The following PSG8 variants were observed in gnomAD, a reference collection of about 807,000 sequenced individuals.
PSG8 encodes pregnancy-specific beta-1-glycoprotein 8.
A neutral mutation model predicts 42.5 loss-of-function variants in PSG8; 57 were observed. The ratio of observed to expected loss-of-function variants is 1.34; its 90% CI spans 1.08 to 1.67. The LOEUF (loss-of-function observed/expected upper bound fraction) is 1.67, where lower values mean the gene tolerates loss of function less well. Ranked by LOEUF, PSG8 falls within the 40% of genes most tolerant of loss-of-function variation. The probability of loss-of-function intolerance (pLI) is 0.00; values close to 1 mark genes in which losing one functional copy is unlikely to be tolerated. For synonymous variants in PSG8, 280 were observed against 196.8 expected (o/e 1.42, Z -3.54); for missense variants, 783 against 518.6 (o/e 1.51, Z -4.95).
intron 2 of PSG8, chr19:42,763,697 C>T (rs1970134169): frequency 1.1e-6 from 1 of 887,430 alleles, no homozygotes; most frequent in Non-Finnish European, 1.7e-6. Context: ...ACTGTCCTTC[C>T]TCTGCAGCGA....
chr19:42,761,801 A>G (rs1251866696), intron 2 of PSG8, among the ~76,000 whole-genome samples: 34 of 149,452 alleles, frequency 2.3e-4, no homozygotes, highest in African/African-American at 7.8e-4. Context: ...TTTCTTGACT[A>G]GAAACCAACA....
chr19:42,758,880 G>C (rs1970002203), intron 2 of PSG8: 1 of 159,258 alleles, frequency 6.3e-6, no homozygotes, highest in Non-Finnish European at 1.4e-5. Flanking sequence ...TTTCCCAGGT[G>C]TCTCATAGTG....
intron 2 of PSG8, among the ~76,000 whole-genome samples, chr19:42,763,383 C>G (rs887000950): frequency 2.0e-5 from 3 of 152,144 alleles, no homozygotes; most frequent in African/African-American, 4.8e-5. Context: ...TGAGCCCTGG[C>G]TGGTGAACAG....
chr19:42,762,113 C>G (rs1220614248), intron 2 of PSG8, among the ~76,000 whole-genome samples: 1 of 151,100 alleles, frequency 6.6e-6, no homozygotes, highest in African/African-American at 2.5e-5. Flanking sequence ...GGGAAGGGAA[C>G]AGAACAGCCA....
At position 42,754,249 on chromosome 19, in the gene PSG8, T is replaced by C. The variant is rs371564796; in HGVS notation, c.*46A>G. Reference sequence around the variant, plus strand: ...GTGCCCATGGGACGCAGGCTGGGAATAAAAATGTTTTCCTGACTCTTCCCT... The same window carrying C: ...GTGCCCATGGGACGCAGGCTGGGAACAAAAATGTTTTCCTGACTCTTCCCT... On this transcript the variant is annotated 3_prime_UTR_variant, in exon 5 of 5. Transcript: ENST00000306511. The C allele has an allele frequency of 3.7e-6, 6 of 1,601,318 alleles. No homozygotes were observed. Among genetic ancestry groups the C allele is most frequent in the Non-Finnish European group, 5.1e-6 (6 of 1,173,910 alleles).
At position 42,765,543 on chromosome 19, in the gene PSG8, G is replaced by T. The variant is rs1470392320; in HGVS notation, c.39C>A (p.Ile13=). Residue 13 remains isoleucine, a synonymous_variant, in exon 1 of 5, where the codon ATC becomes ATA. Coordinates refer to ENST00000306511, the MANE Select transcript of PSG8 (RefSeq NM_182707.3). ...LLSAPPCTQR[I]TWKGLLLTAS... is the part of the protein sequence containing the mutation. ...CTGTGAGCAGGAGCCCCTTCCAGGTGATGCGCTGTGTGCAGGGAGGGGCTG... is the reference window on the plus strand; with the variant it reads ...CTGTGAGCAGGAGCCCCTTCCAGGTTATGCGCTGTGTGCAGGGAGGGGCTG... 2 of 1,611,420 alleles carry T rather than the reference G, an allele frequency of 1.2e-6. No homozygotes were observed. The highest frequency in any genetic ancestry group is 1.7e-6 in the Non-Finnish European group (2 of 1,178,262).
intron 3 of PSG8, 150 bp downstream of exon 3, chr19:42,757,852 G>T (rs762416828): frequency 9.6e-6 from 15 of 1,555,392 alleles, no homozygotes; most frequent in Admixed American, 3.4e-5. Context: ...GGCCTACTCT[G>T]GTTTGCCTGG....
chr19:42,760,448 T>C (rs1457321211), intron 2 of PSG8, among the ~76,000 whole-genome samples: 1 of 152,172 alleles, frequency 6.6e-6, no homozygotes, highest in African/African-American at 2.4e-5. Flanking sequence ...GTTGTTCCAC[T>C]TTTTTACCCC....
downstream of PSG8, chr19:42,754,227 C>T (rs1039285417): frequency 7.4e-5 from 118 of 1,584,566 alleles, no homozygotes; most frequent in African/African-American, 1.4e-3. Flanking sequence ...TTTGCTTGTG[C>T]CCATGGGACG....
chr19:42,760,247 C>A (rs1970039070), intron 2 of PSG8, among the ~76,000 whole-genome samples: 1 of 152,120 alleles, frequency 6.6e-6, no homozygotes. Context: ...ATGGCATCAA[C>A]ATGAGGAAAC....
chr19:42,753,179 C>T (rs546462782), downstream of PSG8: 120 of 739,660 alleles, frequency 1.6e-4, 2 homozygotes, highest in Middle Eastern at 7.0e-4. Flanking sequence ...GTTTGAGCAT[C>T]TGTTGTTATG....
rs746461659 is a variant in PSG8 at position 42,765,590 on chromosome 19, C to T, written c.-9G>A. The T allele has an allele frequency of 1.2e-6, 2 of 1,610,150 alleles. No homozygotes were observed. Among genetic ancestry groups the T allele is most frequent in the South Asian group, 1.1e-5 (1 of 91,030 alleles). ...GCTGAGAGGAGCCCCATGGTCTCTG[C>T]TGTCTGTGTGTTCTCCTCTGTGGAG... On this transcript the variant is annotated 5_prime_UTR_variant, in exon 1 of 5. Coordinates refer to ENST00000306511, the MANE Select transcript of PSG8 (RefSeq NM_182707.3).
At chr19:42,756,641 C>G (rs1051478989) in intron 3 of PSG8, among the ~76,000 whole-genome samples, 2 of 152,036 alleles carry the variant, frequency 1.3e-5, no homozygotes, top group Non-Finnish European at 2.9e-5. Flanking sequence ...TCTCTCACCA[C>G]TTTTCTAGCT....
intron 2 of PSG8, among the ~76,000 whole-genome samples, chr19:42,759,806 G>C (rs1240539936): frequency 6.6e-6 from 1 of 152,156 alleles, no homozygotes; most frequent in Non-Finnish European, 1.5e-5. Flanking sequence ...AAGATCAATT[G>C]CTGGTAGTAG....
rs572099259 is a variant in PSG8, at chr19:42,755,098, C to G, written c.878G>C (p.Arg293Thr). 16 of 1,612,108 alleles carry G rather than the reference C, an allele frequency of 9.9e-6. No homozygotes were observed. The South Asian group carries it at 1.2e-4, about 12-fold the overall frequency. ...CGTGACACTGGGTAGAATGAGGATC[C>G]TGTTTTCAATGGGTCGCTTTACCCT... ...SPRVKRPIEN[R>T]ILILPSVTRN... The change falls in exon 4 of 5, where the codon AGG becomes ACG. Residue 293 changes from arginine (R) to threonine (T), a missense_variant. Arg to Thr is a moderately conservative substitution (Grantham distance 71). Coordinates refer to ENST00000306511, the MANE Select transcript of PSG8 (RefSeq NM_182707.3).
chr19:42,763,252 G>A (rs1008027577), intron 2 of PSG8, among the ~76,000 whole-genome samples: 10 of 152,114 alleles, frequency 6.6e-5, no homozygotes, highest in Admixed American at 6.5e-4. Flanking sequence ...ACTTTCTATG[G>A]ACTGGCCTAA....
At chr19:42,761,138 GGA>G (rs1435280274) in intron 2 of PSG8, among the ~76,000 whole-genome samples, 1 of 152,132 alleles carries the variant, frequency 6.6e-6, no homozygotes, top group Non-Finnish European at 1.5e-5. Context: ...AACAGTGACA[GGA>G]AACTAGCATG....
chr19:42,755,550 C>T, intron 3 of PSG8: 1 of 612,228 alleles, frequency 1.6e-6, no homozygotes, highest in Non-Finnish European at 2.6e-6. Context: ...CCCCTGGTAT[C>T]CCTCCCAGTC....
At position 42,763,980 on chromosome 19, in the gene PSG8, T is replaced by C. The variant is rs1285859853; in HGVS notation, c.366A>G (p.Leu122=). 6.2e-7 allele frequency: 1 copy of C among 1,611,322 alleles called. No individual in the cohort carries two copies. Among genetic ancestry groups the C allele is most frequent in the Admixed American group, 1.7e-5 (1 of 59,692 alleles). Residue 122 remains leucine (L), a synonymous_variant, in exon 2 of 5, where the codon TTA becomes TTG. Coordinates refer to ENST00000306511, the MANE Select transcript of PSG8 (RefSeq NM_182707.3). ...TCTCATCACCTCCCATTATGATGTG[T>C]AAGGTGTAGGATCCTGCGTCTTCCT... The part of the protein sequence containing the change: ...VTQEDAGSYT[L]HIIMGGDENR...
Sources: allele counts gnomAD v4.1 joint callset (sites outside exome capture counted in the v4.1 genomes callset), GRCh38; gene constraint gnomAD v4.1.1; transcripts MANE v1.5; gene names NCBI Gene and HGNC (gene_info 2026-07-23, HGNC 2026-07-21).